Variants in CDH12 observed in about 807,000 individuals in gnomAD.
CDH12 encodes cadherin 12.
Under a neutral mutation model 74.1 loss-of-function variants are expected in CDH12, and 41 were observed. The ratio of observed to expected loss-of-function variants is 0.55; its 90% CI spans 0.43 to 0.72. CDH12 has a LOEUF of 0.72. CDH12 is among the 30% of genes least tolerant of loss of function. The pLI is 0.00. For missense variants in CDH12, 945 were observed against 977.2 expected (o/e 0.97, Z 0.44); for synonymous variants, 399 against 355.0 (o/e 1.12, Z -1.39).
At chr5:21,957,088 C>T (rs188247011) in intron 6 of CDH12, among the ~76,000 whole-genome samples, 6 of 152,164 alleles carry the variant, frequency 3.9e-5, no homozygotes, top group African/African-American at 7.2e-5. Flanking sequence ...AAGTAGACTC[C>T]GGTGTCTGCT....
chr5:22,003,213 GAAC>G (rs1352885056), intron 5 of CDH12, among the ~76,000 whole-genome samples: 1 of 152,038 alleles, frequency 6.6e-6, no homozygotes, highest in Non-Finnish European at 1.5e-5. Context: ...TGTATAAAAA[GAAC>G]TATAATCGTC....
intron 3 of CDH12, among the ~76,000 whole-genome samples, chr5:22,343,323 C>CACAGAGAG (rs1378956871): frequency 8.8e-5 from 12 of 136,258 alleles, no homozygotes; most frequent in African/African-American, 3.2e-4. Flanking sequence ...GACACACACA[C>CACAGAGAG]AGAGAGAGAG....
At position 21,988,892 on chromosome 5, in the gene CDH12, T is replaced by C. The variant is rs573829036; in HGVS notation, c.232-13507A>G. Among the ~76,000 whole-genome samples, 1,078 of 152,132 alleles carry C rather than the reference T, an allele frequency of 7.1e-3. 8 individuals carry two copies. The highest frequency in any genetic ancestry group is 0.011 in the Non-Finnish European group (772 of 67,980). On this transcript the variant is annotated intron_variant, in intron 5 of 14. Transcript: ENST00000382254. ...CATGCTTGGGTTAATATGGGGTGAA[T>C]AGAAGGAACAGCTGGGGAAGAAGAG... is the stretch of plus-strand genomic sequence containing the variant.
chr5:22,525,667 T>A (rs1215650530), intron 1 of CDH12, among the ~76,000 whole-genome samples: 1 of 152,156 alleles, frequency 6.6e-6, no homozygotes, highest in African/African-American at 2.4e-5. Flanking sequence ...TTTCTCCCCA[T>A]CTCTCTTTGT....
At position 22,263,851 on chromosome 5, in the gene CDH12, C is replaced by T. The variant is rs148595430; in HGVS notation, c.-332-51208G>A. Among the ~76,000 whole-genome samples the T allele has an allele frequency of 8.5e-3, 1,298 of 151,998 alleles. 6 individuals are homozygous for T. Among genetic ancestry groups the T allele is most frequent in the Non-Finnish European group, 0.014 (970 of 67,932 alleles). ...TGAGTTAGCAAATTTAAGTAATTGGCAAAAGGTGTCATGATTACCCAATAG... is the reference window on the plus strand; with the variant it reads ...TGAGTTAGCAAATTTAAGTAATTGGTAAAAGGTGTCATGATTACCCAATAG... On this transcript the variant is annotated intron_variant, in intron 3 of 14. Coordinates refer to ENST00000382254, the MANE Select transcript of CDH12 (RefSeq NM_004061.5).
chr5:22,336,639 G>C (rs1298256757), intron 3 of CDH12, among the ~76,000 whole-genome samples: 1 of 152,194 alleles, frequency 6.6e-6, no homozygotes, highest in African/African-American at 2.4e-5. Context: ...ATGGTGTTGA[G>C]CCTGCCAGTG....
At chr5:21,962,080 T>C (rs545058028) in intron 6 of CDH12, among the ~76,000 whole-genome samples, 132 of 152,308 alleles carry the variant, frequency 8.7e-4, no homozygotes, top group Middle Eastern at 3.4e-3. Context: ...ATACCCTTCA[T>C]ACATGTATTC....
intron 3 of CDH12, among the ~76,000 whole-genome samples, chr5:22,265,973 A>G (rs998096882): frequency 6.6e-6 from 1 of 152,110 alleles, no homozygotes; most frequent in Admixed American, 6.6e-5. Context: ...AATAGATCAG[A>G]TATTAACATA....
In CDH12 at chr5:22,236,671, C is replaced by T. The variant is rs578212828; in HGVS notation, c.-332-24028G>A. On this transcript the variant is annotated intron_variant, in intron 3 of 14. Coordinates refer to ENST00000382254, the MANE Select transcript of CDH12 (RefSeq NM_004061.5). ...CTGAGGCAGGAGAATTGCTTGAACC[C>T]GCGAGGCAGAGGTTGCAGTGAGCGA... Among the ~76,000 whole-genome samples, 20 of 152,190 alleles carry T rather than the reference C, an allele frequency of 1.3e-4. No individual in the cohort carries two copies. In the South Asian group the frequency reaches 2.9e-3, roughly 22 times the overall value.
chr5:22,604,364 T>C (rs1357735658), intron 1 of CDH12, among the ~76,000 whole-genome samples: 2 of 152,172 alleles, frequency 1.3e-5, no homozygotes, highest in African/African-American at 4.8e-5. Flanking sequence ...ACACCAAACA[T>C]TCCTTATCCA....
chr5:22,297,183 G>C (rs1351545913), intron 3 of CDH12, among the ~76,000 whole-genome samples: 2 of 151,832 alleles, frequency 1.3e-5, no homozygotes, highest in African/African-American at 4.8e-5. Flanking sequence ...TACCATGCCC[G>C]GCTAATTTTG....
chr5:21,802,342 A>G lies in CDH12; in HGVS notation c.1081T>C (p.Ser361Pro). 1 of 1,613,802 alleles carries G rather than the reference A, an allele frequency of 6.2e-7. No individual in the cohort carries two copies. The highest frequency in any genetic ancestry group is 8.5e-7 in the Non-Finnish European group (1 of 1,179,940). The stretch of plus-strand genomic sequence containing the variant: ...GCTGTGTCTTTGAAAGGGCCCGCCG[A>G]GTGAAACCGGTGGTCAAGGTGAAGG... Reference protein sequence around the residue: ...SNLHLDHRFHSAGPFKDTATV... With the variant: ...SNLHLDHRFHPAGPFKDTATV... Residue 361 changes from serine to proline, a missense_variant, in exon 10 of 15, where the codon TCG becomes CCG. Around this residue, in one of 3 missense-constraint regions of CDH12, gnomAD observed 791 missense variants for 792.8 expected, o/e 1.00. Transcript: ENST00000382254.
At chr5:22,708,901 G>A (rs559390613) in intron 1 of CDH12, among the ~76,000 whole-genome samples, 41 of 152,202 alleles carry the variant, frequency 2.7e-4, no homozygotes, top group Middle Eastern at 3.4e-3. Flanking sequence ...AGATGCCACC[G>A]GCCACTGAAA....
At chr5:22,226,510 T>A (rs935257609) in intron 3 of CDH12, among the ~76,000 whole-genome samples, 2 of 151,908 alleles carry the variant, frequency 1.3e-5, no homozygotes, top group Admixed American at 1.3e-4. Flanking sequence ...CAGGAGAATG[T>A]GGACCTCTGA....
intron 1 of CDH12, chr5:22,580,571 T>C (rs2652199): frequency 0.55 from 255,503 of 466,894 alleles, 71,282 homozygotes; most frequent in Admixed American, 0.71. Flanking sequence ...ATGTGTCTTG[T>C]GCTCACTCCA....
chr5:21,811,274 G>A (rs1182371366), intron 9 of CDH12, among the ~76,000 whole-genome samples: 1 of 152,008 alleles, frequency 6.6e-6, no homozygotes, highest in Non-Finnish European at 1.5e-5. Flanking sequence ...AGAAAGTTTT[G>A]TAGAAATGGT....
At chr5:22,608,049 G>A (rs141513057) in intron 1 of CDH12, among the ~76,000 whole-genome samples, 2,273 of 152,290 alleles carry the variant, frequency 0.015, 18 homozygotes, top group Middle Eastern at 0.031. Context: ...CCCCAACTGA[G>A]GCATTGCCTA....
intron 3 of CDH12, among the ~76,000 whole-genome samples, chr5:22,334,468 A>C (rs1217228820): frequency 6.6e-6 from 1 of 152,168 alleles, no homozygotes; most frequent in East Asian, 1.9e-4. Flanking sequence ...CCCTATGAAA[A>C]TACCAATGAC....
intron 2 of CDH12, among the ~76,000 whole-genome samples, chr5:22,498,451 T>G (rs2126651561): frequency 6.6e-6 from 1 of 152,112 alleles, no homozygotes; most frequent in East Asian, 1.9e-4. Context: ...TTTGAGTAAA[T>G]TAATCCACGA....
Sources: gnomAD v4.1 joint callset for allele counts (sites outside exome capture counted in the v4.1 genomes callset) on GRCh38, gnomAD v4.1.1 for gene constraint, gnomAD v4.1.1 regional missense constraint, MANE v1.5 for transcripts, NCBI Gene and HGNC (gene_info 2026-07-23, HGNC 2026-07-21) for gene names.